The following TRIML1 variants were observed in gnomAD, a reference collection of about 807,000 sequenced individuals.
The protein encoded by TRIML1 is tripartite motif family like 1.
Under a neutral mutation model 32.3 loss-of-function variants are expected in TRIML1, and 34 were observed. The ratio of observed to expected loss-of-function variants is 1.05; its 90% CI spans 0.80 to 1.40. The LOEUF is 1.40. TRIML1 is among the 40% of genes most tolerant of loss of function. The pLI, the probability that TRIML1 is intolerant of heterozygous loss-of-function variation, is 0.00. For synonymous variants in TRIML1, 244 were observed against 226.6 expected, an observed-to-expected ratio of 1.08 and a Z score of -0.69; for missense variants, 595 against 574.9, an observed-to-expected ratio of 1.03 and a Z score of -0.36.
chr4:188,144,499 A>T (rs1206104187), intron 5 of TRIML1, among the ~76,000 whole-genome samples: 1 of 143,828 alleles, frequency 7.0e-6, no homozygotes, highest in Non-Finnish European at 1.5e-5. Flanking sequence ...AGTAGCTGGG[A>T]CTACAGGCGC....
intron 3 of TRIML1, 113 bp from the exon 4 acceptor site, chr4:188,143,725 G>A: frequency 7.8e-7 from 1 of 1,274,638 alleles, no homozygotes; most frequent in Non-Finnish European, 1.1e-6. Flanking sequence ...CACTCATGGT[G>A]TGCTTCATGG....
At chr4:188,148,698 GT>G (rs1735171931), downstream of TRIML1, among the ~76,000 whole-genome samples, 1 of 151,258 alleles carries the variant, frequency 6.6e-6, no homozygotes, top group African/African-American at 2.4e-5. Flanking sequence ...CACCTCCGGG[GT>G]TCAAGCAATT....
rs754669930 is a variant in TRIML1 at position 188,140,569 on chromosome 4, A to G, written c.450A>G (p.Arg150=). 2 of 1,614,038 alleles carry G rather than the reference A, an allele frequency of 1.2e-6. No individual in the cohort carries two copies. Among genetic ancestry groups the G allele is most frequent in the Non-Finnish European group, 1.7e-6 (2 of 1,179,970 alleles). Residue 150 remains arginine (R), a synonymous_variant, in exon 2 of 6, where the codon AGA becomes AGG. Transcript: ENST00000332517. Reference sequence around the variant, plus strand: ...TCCTGAATCTTTTGCGTGTAAGGAGAAAGGAAGCTCAGGCTGTACTAACCC... The same window carrying G: ...TCCTGAATCTTTTGCGTGTAAGGAGGAAGGAAGCTCAGGCTGTACTAACCC... The part of the protein sequence containing the change: ...QEILNLLRVR[R]KEAQAVLTHE...
At chr4:188,142,636 A>T (rs999245319) in intron 3 of TRIML1, among the ~76,000 whole-genome samples, 154 bp downstream of exon 3, 2 of 151,522 alleles carry the variant, frequency 1.3e-5, no homozygotes, top group African/African-American at 4.9e-5. Flanking sequence ...ATGTCAATAA[A>T]GCCTTATAGA....
chr4:188,138,773 TA>T (rs2111221473), upstream of TRIML1, among the ~76,000 whole-genome samples: 1 of 72,898 alleles, frequency 1.4e-5, no homozygotes, highest in African/African-American at 3.5e-5. Flanking sequence ...CATAGTGGGA[TA>T]GCCTCTTGAG....
chr4:188,140,677 A>T (rs373412379), intron 2 of TRIML1, 54 bp downstream of exon 2: 644 of 1,278,580 alleles, frequency 5.0e-4, no homozygotes, highest in Non-Finnish European at 6.5e-4. Flanking sequence ...AGGGGGACTA[A>T]AGGGAAATTT....
chr4:188,142,312 C>G lies in TRIML1; in HGVS notation c.565C>G (p.Leu189Val). ...AGAATACATGAAAATGCACCAGTTCCTGAAGGAAGAGGAGCAGCTGCAACT... is the reference window on the plus strand; with the variant it reads ...AGAATACATGAAAATGCACCAGTTCGTGAAGGAAGAGGAGCAGCTGCAACT... ...VSEYMKMHQF[L>V]KEEEQLQLQL... Residue 189 changes from leucine to valine, a missense_variant, in exon 3 of 6, where the codon CTG (leucine) becomes GTG (valine). By Grantham distance (32) the Leu-to-Val change is conservative. Transcript: ENST00000332517. The G allele has an allele frequency of 6.2e-7, 1 of 1,612,062 alleles. No homozygotes were observed.
At position 188,139,712 on chromosome 4, in the gene TRIML1, T is replaced by A. The variant is rs372227189; in HGVS notation, c.154T>A (p.Ser52Thr). The A allele has an allele frequency of 1.2e-6, 2 of 1,613,930 alleles. No individual in the cohort carries two copies. Among genetic ancestry groups the A allele is most frequent in the African/African-American group, 2.7e-5 (2 of 74,916 alleles). ...RSWEEHNTPL[S>T]CPECWRTLEG... ...CTGGGAGGAACATAACACACCTTTATCTTGTCCTGAGTGCTGGAGGACCTT... is the reference window on the plus strand; with the variant it reads ...CTGGGAGGAACATAACACACCTTTAACTTGTCCTGAGTGCTGGAGGACCTT... Residue 52 changes from serine (S) to threonine (T), a missense_variant, in exon 1 of 6, where the codon TCT (serine) becomes ACT (threonine). By Grantham distance (58) the Ser-to-Thr change is moderately conservative. Transcript: ENST00000332517.
At chr4:188,141,852 C>T (rs62354300) in intron 2 of TRIML1, among the ~76,000 whole-genome samples, 10,298 of 152,076 alleles carry the variant, frequency 0.068, 438 homozygotes, top group East Asian at 0.2. Context: ...GTGGCCCACA[C>T]CTGTAATCCC....
At position 188,147,588 on chromosome 4, in the gene TRIML1, T is replaced by C. The variant is rs531144102; in HGVS notation, c.*216T>C. 277 of 394,460 alleles carry C rather than the reference T, an allele frequency of 7.0e-4. No homozygotes were observed. Among genetic ancestry groups the C allele is most frequent in the African/African-American group, 5.3e-3 (257 of 48,714 alleles). 24.4% of individuals were successfully genotyped at this position (394,460 alleles called of 1,614,324 possible). On this transcript the variant is annotated 3_prime_UTR_variant, in exon 6 of 6. Transcript: ENST00000332517. ...CAATAGAAGAGAGCTGATCATATTC[T>C]GTGTCTTTAAGTAAATGTATTCTCT...
At chr4:188,148,530 G>A (rs765702759), downstream of TRIML1, among the ~76,000 whole-genome samples, 1 of 152,058 alleles carries the variant, frequency 6.6e-6, no homozygotes, top group Non-Finnish European at 1.5e-5. Context: ...AGGAAGTGGT[G>A]GTGGCTGAGG....
chr4:188,143,605 G>A (rs1338700990), intron 3 of TRIML1: 3 of 578,900 alleles, frequency 5.2e-6, no homozygotes, highest in Non-Finnish European at 9.3e-6. Flanking sequence ...GATGATACGA[G>A]AAAAAGAAAA....
At position 188,147,398 on chromosome 4, in the gene TRIML1, G is replaced by T; in HGVS notation, c.*26G>T. 6.9e-7 allele frequency: 1 copy of T among 1,455,420 alleles called. No individual in the cohort carries two copies. The allele number at this position is 1,455,420 out of a possible 1,614,324, so 90.2% of individuals were successfully genotyped here. On this transcript the variant is annotated 3_prime_UTR_variant, in exon 6 of 6. Transcript: ENST00000332517. ...GGGGCGTGCCCTGAGCCGTCACAGC[G>T]GGCGATGTCTGAGACCAAGACACAA...
chr4:188,144,231 C>T, intron 5 of TRIML1, 98 bp downstream of exon 5: 9 of 1,095,992 alleles, frequency 8.2e-6, no homozygotes, highest in Non-Finnish European at 1.2e-5. Context: ...CACGAGGCTC[C>T]TGGTTAAGGA....
At chr4:188,147,762 T>C (rs1030176639), downstream of TRIML1, 6 of 158,008 alleles carry the variant, frequency 3.8e-5, no homozygotes, top group African/African-American at 1.4e-4. Context: ...CTCGAATGTG[T>C]CTTTGTCCTC....
Position 188,139,869 on chromosome 4 carries a change from C to T in TRIML1, c.311C>T (p.Ala104Val), listed in dbSNP as rs377254358. Residue 104 changes from alanine to valine, a missense_variant, in exon 1 of 6, where the codon GCG becomes GTG. Ala to Val is a moderately conservative substitution (Grantham distance 64). Transcript: ENST00000332517. ...SYGRMPTTAK[A>V]LSDDEQGGSA... ...GGGAGGATGCCCACCACTGCCAAGG[C>T]GCTCTCCGATGACGAGCAGGGTGGA... is the stretch of plus-strand genomic sequence containing the variant. The T allele has an allele frequency of 2.5e-5, 41 of 1,613,822 alleles. 1 individual carries two copies. In the Middle Eastern group the frequency reaches 4.9e-4, roughly 19 times the overall value.
At chr4:188,142,804 C>A in intron 3 of TRIML1, 2 of 230,510 alleles carry the variant, frequency 8.7e-6, no homozygotes, top group South Asian at 7.6e-5. Context: ...ATGTGCTGGG[C>A]ACATTAAATT....
At chr4:188,145,668 C>T (rs944947305) in intron 5 of TRIML1, among the ~76,000 whole-genome samples, 1 of 151,390 alleles carries the variant, frequency 6.6e-6, no homozygotes, top group Non-Finnish European at 1.5e-5. Flanking sequence ...ACTAAAAATA[C>T]AAAAAACTAG....
chr4:188,141,776 T>C (rs1734862768), intron 2 of TRIML1, among the ~76,000 whole-genome samples: 1 of 152,030 alleles, frequency 6.6e-6, no homozygotes, highest in Non-Finnish European at 1.5e-5. Context: ...CATCAACAGA[T>C]TAAATGTATT....
Sources: allele counts gnomAD v4.1 joint callset (sites outside exome capture counted in the v4.1 genomes callset), GRCh38; gene constraint gnomAD v4.1.1; transcripts MANE v1.5; gene names NCBI Gene and HGNC (gene_info 2026-07-23, HGNC 2026-07-21).